ANKRD52: variants seen among roughly 807,000 people sequenced by gnomAD.
ANKRD52 encodes the protein serine/threonine-protein phosphatase 6 regulatory ankyrin repeat subunit C.
Under a neutral mutation model 116.0 loss-of-function variants are expected in ANKRD52, and 7 were observed. The observed-to-expected ratio is 0.06, with a 90% CI of 0.03 to 0.11. The LOEUF (loss-of-function observed/expected upper bound fraction) is 0.11. Ranked by LOEUF, ANKRD52 falls within the 10% of genes least tolerant of loss-of-function variation. The pLI, the probability that ANKRD52 is intolerant of heterozygous loss-of-function variation, is 1.00. For synonymous variants in ANKRD52, 528 were observed against 578.1 expected, an observed-to-expected ratio of 0.91 and a Z score of 1.24; for missense variants, 839 against 1,408.6, an observed-to-expected ratio of 0.60 and a Z score of 6.47.
Position 56,252,633 on chromosome 12 carries a change from G to T in ANKRD52, c.1302-63C>A, listed in dbSNP as rs780251377. ...AGGGAAGCCACAGGCCCAGGGTGGGGCTAAGGAAGGATGGGACTAGCAAGC... is the reference window on the plus strand; with the variant it reads ...AGGGAAGCCACAGGCCCAGGGTGGGTCTAAGGAAGGATGGGACTAGCAAGC... On this transcript the variant is annotated intron_variant, in intron 12 of 27. Coordinates refer to ENST00000267116, the MANE Select transcript of ANKRD52 (RefSeq NM_173595.4). The surrounding 1 kb of genome is among the most constrained non-coding windows in gnomAD (Gnocchi z 4.7). 89 of 1,568,984 alleles carry T rather than the reference G, an allele frequency of 5.7e-5. 1 individual carries two copies. The highest frequency in any genetic ancestry group is 7.5e-5 in the Non-Finnish European group (86 of 1,140,800).
At position 56,238,010 on chromosome 12, in the gene ANKRD52, G is replaced by T; in HGVS notation, c.*5132C>A. The T allele has an allele frequency of 1.1e-5, 3 of 284,448 alleles. No individual in the cohort carries two copies. The highest frequency in any genetic ancestry group is 6.5e-6 in the Non-Finnish European group (1 of 154,754). 17.6% of individuals were successfully genotyped at this position (284,448 alleles called of 1,614,324 possible). Reference sequence around the variant, plus strand: ...GTGCTTTAGCCCAGGGAGGGGAGGGGTGGGGCAAATGCACCGAGGTCCCCA... The same window carrying T: ...GTGCTTTAGCCCAGGGAGGGGAGGGTTGGGGCAAATGCACCGAGGTCCCCA... On this transcript the variant is annotated 3_prime_UTR_variant, in exon 28 of 28. Transcript: ENST00000267116.
chr12:56,257,378 G>A lies in ANKRD52; in HGVS notation c.112-17C>T, dbSNP rs1592396821. 6.4e-7 allele frequency: 1 copy of A among 1,574,026 alleles called. No homozygotes were observed. Among genetic ancestry groups the A allele is most frequent in the Non-Finnish European group, 8.6e-7 (1 of 1,159,396 alleles). ...CTCTTGGTCCTGGGAAGGCAAAAAA[G>A]AGCAGGGAGTATGGGCGCGGGGTAA... On this transcript the variant is annotated splice_polypyrimidine_tract_variant and intron_variant, in intron 2 of 27. Transcript: ENST00000267116.
intron 20 of ANKRD52, among the ~76,000 whole-genome samples, chr12:56,246,027 A>G (rs1443949677): frequency 2.7e-5 from 4 of 150,426 alleles, no homozygotes; most frequent in Non-Finnish European, 1.5e-5. Flanking sequence ...TGTCTTTACA[A>G]CAATAATTCT....
rs1289795539 is a variant in ANKRD52, at chr12:56,248,578, A to G, written c.1705-12T>C. On this transcript the variant is annotated splice_polypyrimidine_tract_variant and intron_variant, in intron 16 of 27. Transcript: ENST00000267116. This position sits in a 1 kb window ranked among gnomAD's most constrained non-coding sequence, Gnocchi z 5.1. ...GACATTTCTAAGAGCTGCAAAGGAC[A>G]GGAAAGTAGGTGCTGAGACTCTGGA... 1 of 1,581,614 alleles carries G rather than the reference A, an allele frequency of 6.3e-7. No homozygotes were observed. Among genetic ancestry groups the G allele is most frequent in the Admixed American group, 1.8e-5 (1 of 54,396 alleles).
chr12:56,247,433 A>T, intron 20 of ANKRD52, 60 bp downstream of exon 20: 1 of 1,358,680 alleles, frequency 7.4e-7, no homozygotes, highest in Non-Finnish European at 1.0e-6. Context: ...ACTGCTGGTG[A>T]GTCCCATGCT....
At chr12:56,250,950 G>GT (rs1172613721) in intron 15 of ANKRD52, among the ~76,000 whole-genome samples, 1 of 151,600 alleles carries the variant, frequency 6.6e-6, no homozygotes. Flanking sequence ...TTATTTATTT[G>GT]TTTTTTTGGA....
intron 2 of ANKRD52, 83 bp downstream of exon 2, chr12:56,257,745 C>T (rs768220976): frequency 4.5e-5 from 62 of 1,378,524 alleles, no homozygotes; most frequent in Non-Finnish European, 6.0e-5. Flanking sequence ...AGAGGAGACA[C>T]GGAGCCGCCC....
Position 56,243,904 on chromosome 12 carries a change from T to C in ANKRD52, c.2889-28A>G. ...TGGAAAAAAGGAAAAAGAAGGAGCT[T>C]GATGCTAAGCTGCCCTTCCACCTCC... On this transcript the variant is annotated intron_variant, in intron 26 of 27. Coordinates refer to ENST00000267116, the MANE Select transcript of ANKRD52 (RefSeq NM_173595.4). This position sits in a 1 kb window ranked among gnomAD's most constrained non-coding sequence, Gnocchi z 4.6. The C allele has an allele frequency of 1.3e-6, 2 of 1,581,808 alleles. No individual in the cohort carries two copies. The highest frequency in any genetic ancestry group is 1.7e-6 in the Non-Finnish European group (2 of 1,163,524).
At position 56,255,948 on chromosome 12, in the gene ANKRD52, C is replaced by T. The variant is rs769853352; in HGVS notation, c.298G>A (p.Val100Met). The T allele has an allele frequency of 1.3e-6, 2 of 1,575,662 alleles. No homozygotes were observed. The highest frequency in any genetic ancestry group is 1.7e-6 in the Non-Finnish European group (2 of 1,159,158). Residue 100 changes from valine (V) to methionine (M), a missense_variant, in exon 5 of 28, where the codon GTG (valine) becomes ATG (methionine). By Grantham distance (21) the Val-to-Met change is conservative. This residue lies in a region of ANKRD52 where 287 missense variants were observed against 598.1 expected (regional missense o/e 0.48). Transcript: ENST00000267116. This position sits in a 1 kb window ranked among gnomAD's most constrained non-coding sequence, Gnocchi z 4.3. ...TGCCACAGCTTGTCCCGGGCATTCA[C>T]ATCTGCTGAATGTGCCAGCAGCAGC... Reference protein sequence around the residue: ...LGLLLAHSADVNARDKLWQTP... With the variant: ...LGLLLAHSADMNARDKLWQTP...
rs1871267753 is a variant in ANKRD52, at chr12:56,243,694, T to C, written c.2980+91A>G. Reference sequence around the variant, plus strand: ...CTGAAGAGTTCCCTTGGGAAGAAAATCCCATGTATAGCAAGATTAAGAAGT... The same window carrying C: ...CTGAAGAGTTCCCTTGGGAAGAAAACCCCATGTATAGCAAGATTAAGAAGT... On this transcript the variant is annotated intron_variant, in intron 27 of 27. Transcript: ENST00000267116. This position sits in a 1 kb window ranked among gnomAD's most constrained non-coding sequence, Gnocchi z 4.6. 6.0e-6 allele frequency: 8 copies of C among 1,334,226 alleles called. No homozygotes were observed. The highest frequency in any genetic ancestry group is 8.3e-6 in the Non-Finnish European group (8 of 960,968). 82.6% of individuals were successfully genotyped at this position (1,334,226 alleles called of 1,614,324 possible). A position where few individuals can be genotyped will look rare whatever the true frequency, so the allele number is the denominator to read the frequency against.
At chr12:56,257,204 G>A (rs1871995471) in intron 3 of ANKRD52, 79 bp downstream of exon 3, 5 of 1,541,552 alleles carry the variant, frequency 3.2e-6, no homozygotes, top group Non-Finnish European at 4.4e-6. Context: ...GCCGGGGAGA[G>A]CAATCCTTGA....
Position 56,247,473 on chromosome 12 carries a change from C to T in ANKRD52, c.2184+20G>A, listed in dbSNP as rs753329894. ...CACTGAGGCCCATGTGCAAACAATC[C>T]CCCCTAGAAGCTCACTCACCCCGCG... On this transcript the variant is annotated intron_variant, in intron 20 of 27. Coordinates refer to ENST00000267116, the MANE Select transcript of ANKRD52 (RefSeq NM_173595.4). 3.9e-5 allele frequency: 60 copies of T among 1,549,000 alleles called. No individual in the cohort carries two copies. Among genetic ancestry groups the T allele is most frequent in the Non-Finnish European group, 4.8e-5 (55 of 1,144,348 alleles).
intron 18 of ANKRD52, 67 bp downstream of exon 18, chr12:56,247,956 C>T: frequency 6.7e-7 from 1 of 1,489,438 alleles, no homozygotes; most frequent in Non-Finnish European, 9.1e-7. Flanking sequence ...CACTTTCCAG[C>T]CCCATTCCCA....
rs1338539447 is a variant in ANKRD52, at chr12:56,252,270, T to A, written c.1416A>T (p.Ala472=). Residue 472 remains alanine (A), a synonymous_variant, in exon 14 of 28, where the codon GCA becomes GCT. Coordinates refer to ENST00000267116, the MANE Select transcript of ANKRD52 (RefSeq NM_173595.4). The surrounding 1 kb of genome is among the most constrained non-coding windows in gnomAD (Gnocchi z 4.7). ...CTGCCCCAGCAGTCACCAATGTTAC[T>A]GCACACTGGTAGCTACCGTTAGCAG... The part of the protein sequence containing the change: ...YAAANGSYQC[A]VTLVTAGAGV... 1.2e-6 allele frequency: 2 copies of A among 1,613,866 alleles called. No homozygotes were observed. Among genetic ancestry groups the A allele is most frequent in the African/African-American group, 2.7e-5 (2 of 74,904 alleles).
At position 56,252,080 on chromosome 12, in the gene ANKRD52, T is replaced by C. The variant is rs774234099; in HGVS notation, c.1527A>G (p.Thr509=). 1.9e-6 allele frequency: 3 copies of C among 1,610,256 alleles called. No homozygotes were observed. The highest frequency in any genetic ancestry group is 2.5e-6 in the Non-Finnish European group (3 of 1,178,608). ...SDTYRRAEPH[T]PSSHDAEEDE... is the part of the protein sequence containing the mutation. ...CCTCTTCGGCATCATGGCTGGAAGGTGTATGGGGTTCCGCTCTGGGGAAGA... is the reference window on the plus strand; with the variant it reads ...CCTCTTCGGCATCATGGCTGGAAGGCGTATGGGGTTCCGCTCTGGGGAAGA... The change falls in exon 15 of 28, where the codon ACA becomes ACG. Residue 509 remains threonine, a synonymous_variant. Coordinates refer to ENST00000267116, the MANE Select transcript of ANKRD52 (RefSeq NM_173595.4). This position sits in a 1 kb window ranked among gnomAD's most constrained non-coding sequence, Gnocchi z 4.7.
rs1026105212 is a variant in ANKRD52, at chr12:56,244,265, C to A, written c.2805+88G>T. The A allele has an allele frequency of 6.5e-7, 1 of 1,539,324 alleles. No individual in the cohort carries two copies. The highest frequency in any genetic ancestry group is 1.4e-5 in the African/African-American group (1 of 73,520). On this transcript the variant is annotated intron_variant, in intron 25 of 27. Transcript: ENST00000267116. The surrounding 1 kb of genome is among the most constrained non-coding windows in gnomAD (Gnocchi z 4.9). Reference sequence around the variant, plus strand: ...CGGATAGGCTGGACAATCCTCACTTCTGCCCCAGTCCCCTCTGCAACCGAG... The same window carrying A: ...CGGATAGGCTGGACAATCCTCACTTATGCCCCAGTCCCCTCTGCAACCGAG...
Position 56,252,661 on chromosome 12 carries a change from T to C in ANKRD52, c.1302-91A>G. On this transcript the variant is annotated intron_variant, in intron 12 of 27. Coordinates refer to ENST00000267116, the MANE Select transcript of ANKRD52 (RefSeq NM_173595.4). This position sits in a 1 kb window ranked among gnomAD's most constrained non-coding sequence, Gnocchi z 4.7. ...AAGGAAGGATGGGACTAGCAAGCCC[T>C]TTCTGCTGTGACTGCTTTCATTGTG... 6.5e-7 allele frequency: 1 copy of C among 1,543,312 alleles called. No individual in the cohort carries two copies. Among genetic ancestry groups the C allele is most frequent in the Non-Finnish European group, 8.9e-7 (1 of 1,118,520 alleles).
At chr12:56,257,796 C>T (rs1872029070) in intron 2 of ANKRD52, 32 bp downstream of exon 2, 4 of 1,605,656 alleles carry the variant, frequency 2.5e-6, no homozygotes, top group African/African-American at 1.3e-5. Flanking sequence ...GCCAGGATTC[C>T]GGTCTCGCCA....
rs1222279115 is a variant in ANKRD52 at position 56,253,462 on chromosome 12, G to A, written c.986-60C>T. On this transcript the variant is annotated intron_variant, in intron 9 of 27. Transcript: ENST00000267116. The surrounding 1 kb of genome is among the most constrained non-coding windows in gnomAD (Gnocchi z 5.5). ...ACCTCAGGCTTAAGACCACTTTCGC[G>A]AGCTAGCCATGATTTGAGTGCCTAC... is the stretch of plus-strand genomic sequence containing the variant. 8.2e-6 allele frequency: 11 copies of A among 1,338,392 alleles called. No homozygotes were observed. Among genetic ancestry groups the A allele is most frequent in the East Asian group, 4.6e-5 (2 of 43,384 alleles). 82.9% of individuals were successfully genotyped at this position (1,338,392 alleles called of 1,614,324 possible).
Sources: allele counts gnomAD v4.1 joint callset (sites outside exome capture counted in the v4.1 genomes callset), GRCh38; gene constraint gnomAD v4.1.1; regional missense constraint gnomAD v4.1.1; non-coding constraint Gnocchi (gnomAD v3.1); transcripts MANE v1.5; gene names NCBI Gene and HGNC (gene_info 2026-07-23, HGNC 2026-07-21).